Variants in TET1 observed in about 807,000 individuals in gnomAD.
TET1 encodes tet methylcytosine dioxygenase 1.
TET1 carries 13 observed loss-of-function variants against 148.7 expected under a neutral mutation model. The observed-to-expected ratio is 0.09, with a 90% confidence interval of 0.06 to 0.14. The LOEUF is 0.14. Ranked by LOEUF, TET1 falls within the 10% of genes least tolerant of loss-of-function variation. The pLI is 1.00. For synonymous variants in TET1, 907 were observed against 937.2 expected (o/e 0.97, Z 0.59); for missense variants, 2,182 against 2,553.8 (o/e 0.85, Z 3.14).
In TET1 at chr10:68,690,919, A is replaced by G; in HGVS notation, c.5516A>G (p.His1839Arg). Reference sequence around the variant, plus strand: ...TATTCGCTGATGCCATCCGCTCCTCACCCAGTGAAAGAGGCATCTCCAGGC... The same window carrying G: ...TATTCGCTGATGCCATCCGCTCCTCGCCCAGTGAAAGAGGCATCTCCAGGC... ...KTYSLMPSAPHPVKEASPGFS... is the reference protein window; with the variant it reads ...KTYSLMPSAPRPVKEASPGFS... The change falls in exon 12 of 12, where the codon CAC becomes CGC. Residue 1839 changes from histidine (H) to arginine (R), a missense_variant. This residue lies in a region of TET1 where 380 missense variants were observed against 387.9 expected (regional missense o/e 0.98). Transcript: ENST00000373644. 2 of 1,614,162 alleles carry G rather than the reference A, an allele frequency of 1.2e-6. No homozygotes were observed. The highest frequency in any genetic ancestry group is 1.7e-6 in the Non-Finnish European group (2 of 1,180,030).
At chr10:68,665,587 A>G (rs2055186595) in intron 6 of TET1, among the ~76,000 whole-genome samples, 1 of 152,124 alleles carries the variant, frequency 6.6e-6, no homozygotes, top group South Asian at 2.1e-4. Context: ...AAAAGGCACA[A>G]ATATCATCAG....
intron 4 of TET1, among the ~76,000 whole-genome samples, chr10:68,649,378 C>T (rs747446731): frequency 1.1e-4 from 16 of 152,158 alleles, no homozygotes; most frequent in Middle Eastern, 3.4e-3. Flanking sequence ...GAGGCCGAGG[C>T]GGGCAGATCA....
At chr10:68,564,446 G>A (rs866236324) in intron 1 of TET1, among the ~76,000 whole-genome samples, 30 of 150,886 alleles carry the variant, frequency 2.0e-4, no homozygotes, top group African/African-American at 6.7e-4. Context: ...ACCACGCCTG[G>A]CCAAAAATTA....
At chr10:68,577,112 G>A (rs1027688420) in intron 2 of TET1, among the ~76,000 whole-genome samples, 4 of 152,066 alleles carry the variant, frequency 2.6e-5, no homozygotes, top group South Asian at 2.1e-4. Flanking sequence ...GGGTTTCACC[G>A]TGTTAGCCAG....
At chr10:68,671,332 G>T (rs1355670009) in intron 7 of TET1, among the ~76,000 whole-genome samples, 1 of 152,182 alleles carries the variant, frequency 6.6e-6, no homozygotes, top group Non-Finnish European at 1.5e-5. Context: ...AGTTTGCTAA[G>T]GATAGTGGCC....
In TET1 at chr10:68,573,477, G is replaced by C. The variant is rs1214065925; in HGVS notation, c.1139G>C (p.Gly380Ala). 1 of 1,614,140 alleles carries C rather than the reference G, an allele frequency of 6.2e-7. No individual in the cohort carries two copies. Among genetic ancestry groups the C allele is most frequent in the Non-Finnish European group, 8.5e-7 (1 of 1,180,030 alleles). Residue 380 changes from glycine to alanine, a missense_variant, in exon 2 of 12, where the codon GGT becomes GCT. Gly to Ala is a moderately conservative substitution (Grantham distance 60, BLOSUM62 0). This residue lies in a region of TET1 where 665 missense variants were observed against 672.4 expected (regional missense o/e 0.99). Transcript: ENST00000373644. Reference protein sequence around the residue: ...GAIPHQWELPGADPVHGEALG... With the variant: ...GAIPHQWELPAADPVHGEALG... ...ATCCCACATCAATGGGAACTTCCTG[G>C]TGCTGACCCAGTTCATGGTGAGGCC...
intron 1 of TET1, among the ~76,000 whole-genome samples, chr10:68,568,547 G>A (rs923903585): frequency 6.6e-5 from 10 of 152,172 alleles, no homozygotes; most frequent in African/African-American, 2.2e-4. Context: ...GGCCGATGCT[G>A]TGATCTTGAG....
At position 68,691,138 on chromosome 10, in the gene TET1, C is replaced by T; in HGVS notation, c.5735C>T (p.Thr1912Ile). 1.2e-6 allele frequency: 2 copies of T among 1,614,198 alleles called. No homozygotes were observed. Among genetic ancestry groups the T allele is most frequent in the Non-Finnish European group, 1.7e-6 (2 of 1,180,046 alleles). ...CTTGGCGAAGTGGCTCCTCTCCCCA[C>T]CCTGTCTGCTCCTGTGATGGAGCCC... Reference protein sequence around the residue: ...SQLGEVAPLPTLSAPVMEPLI... With the variant: ...SQLGEVAPLPILSAPVMEPLI... The change falls in exon 12 of 12, where the codon ACC (threonine) becomes ATC (isoleucine). Residue 1912 changes from threonine to isoleucine, a missense_variant. Thr to Ile is a moderately conservative substitution (Grantham distance 89, BLOSUM62 -1). Around this residue, in one of 11 missense-constraint regions of TET1, gnomAD observed 380 missense variants for 387.9 expected, o/e 0.98. Transcript: ENST00000373644. The surrounding 1 kb of genome is among the most constrained non-coding windows in gnomAD (Gnocchi z 4.4).
At chr10:68,673,307 C>A in intron 8 of TET1, 1 of 240,198 alleles carries the variant, frequency 4.2e-6, no homozygotes, top group Non-Finnish European at 8.1e-6. Flanking sequence ...CCAGCAAAAT[C>A]ATCATTAAAA....
chr10:68,670,982 C>G lies in TET1; in HGVS notation c.4674-1913C>G, dbSNP rs1415899705. Among the ~76,000 whole-genome samples the G allele has an allele frequency of 4.0e-5, 6 of 151,710 alleles. No individual in the cohort carries two copies. In the East Asian group the frequency reaches 1.2e-3, roughly 29 times the overall value. ...AAGCATTATGCAATTTTATTTTTTA[C>G]TTAATTATTCTTTTACTGTTTTTTT... On this transcript the variant is annotated intron_variant, in intron 7 of 11. Coordinates refer to ENST00000373644, the MANE Select transcript of TET1 (RefSeq NM_030625.3).
At chr10:68,578,868 T>A (rs1291472933) in intron 2 of TET1, among the ~76,000 whole-genome samples, 1 of 151,726 alleles carries the variant, frequency 6.6e-6, no homozygotes, top group Non-Finnish European at 1.5e-5. Flanking sequence ...AAAGAAAAAA[T>A]TTGCCGGGCG....
At chr10:68,588,514 C>G (rs2053884251) in intron 2 of TET1, among the ~76,000 whole-genome samples, 1 of 152,002 alleles carries the variant, frequency 6.6e-6, no homozygotes, top group South Asian at 2.1e-4. Flanking sequence ...TGAGCTAAGG[C>G]AATGAGGAAA....
chr10:68,583,300 T>C (rs1454483430), intron 2 of TET1, among the ~76,000 whole-genome samples: 3 of 152,200 alleles, frequency 2.0e-5, no homozygotes, highest in Non-Finnish European at 4.4e-5. Context: ...ACTGTGGGAC[T>C]ATGATGGATA....
Position 68,686,451 on chromosome 10 carries a change from A to C in TET1, c.5148A>C (p.Thr1716=), listed in dbSNP as rs1402679194. 6.2e-7 allele frequency: 1 copy of C among 1,614,206 alleles called. No homozygotes were observed. The highest frequency in any genetic ancestry group is 1.1e-5 in the South Asian group (1 of 91,086). The change falls in exon 11 of 12, where the codon ACA becomes ACC. Residue 1716 remains threonine, a synonymous_variant. Transcript: ENST00000373644. The part of the protein sequence containing the change: ...HVLPLYKLSD[T]DEFGSKEGME... ...TACCTCTTTATAAGCTTTCAGACAC[A>C]GATGAGTTTGGCTCCAAGGAAGGAA...
At chr10:68,687,788 C>T (rs1719415573) in intron 11 of TET1, among the ~76,000 whole-genome samples, 1 of 152,082 alleles carries the variant, frequency 6.6e-6, no homozygotes, top group African/African-American at 2.4e-5. Context: ...TAGGGTTTCA[C>T]CTGTTTGCCA....
rs187179634 is a variant in TET1, at chr10:68,686,353, C to T, written c.5053-3C>T. The T allele has an allele frequency of 8.2e-3, 12,941 of 1,582,988 alleles. 63 individuals carry two copies. Among genetic ancestry groups the T allele is most frequent in the Non-Finnish European group, 9.7e-3 (11,321 of 1,162,850 alleles). On this transcript the variant is annotated splice_region_variant and splice_polypyrimidine_tract_variant and intron_variant, in intron 10 of 11. Transcript: ENST00000373644. ...TCCCATTTCATGTTTTTCTCCCTAT[C>T]AGGTTTGTACCTTAACTCGAGAAGA... is the stretch of plus-strand genomic sequence containing the variant.
chr10:68,634,805 C>A (rs573415773), intron 3 of TET1, among the ~76,000 whole-genome samples: 1 of 151,992 alleles, frequency 6.6e-6, no homozygotes, highest in South Asian at 2.1e-4. Context: ...CACTCTGTCG[C>A]CCAGTCTGGA....
rs11381293 is a variant in TET1, at chr10:68,673,935, CTTTTTTTT to C, written c.4824+895_4824+902del. 8.1e-3 allele frequency among the ~76,000 whole-genome samples: 976 copies of C among 120,294 alleles called. 18 individuals carry two copies. The highest frequency in any genetic ancestry group is 0.029 in the African/African-American group (928 of 32,168). The allele number at this position is 120,294 out of a possible 152,430, so 78.9% of individuals were successfully genotyped here. On this transcript the variant is annotated intron_variant, in intron 8 of 11. Transcript: ENST00000373644. The stretch of plus-strand genomic sequence containing the variant: ...TTTTTTATCAGATTTCTTTCTTTTT[CTTTTTTTT>C]TTTTCTTTTTCTTTTTCTTTTTTTT...
At chr10:68,678,761 C>A (rs1477395933) in intron 8 of TET1, among the ~76,000 whole-genome samples, 2 of 152,138 alleles carry the variant, frequency 1.3e-5, no homozygotes, top group African/African-American at 4.8e-5. Context: ...TTAATCTTGA[C>A]CACCAATAGG....
Sources: gnomAD v4.1 joint callset for allele counts (sites outside exome capture counted in the v4.1 genomes callset) on GRCh38, gnomAD v4.1.1 for gene constraint, gnomAD v4.1.1 regional missense constraint, Gnocchi (gnomAD v3.1) non-coding constraint, MANE v1.5 for transcripts, NCBI Gene and HGNC (gene_info 2026-07-23, HGNC 2026-07-21) for gene names.